The following C2CD4D variants were observed in gnomAD, a reference collection of about 807,000 sequenced individuals.
C2CD4D encodes C2 calcium-dependent domain-containing protein 4D.
Under a neutral mutation model 0.2 loss-of-function variants are expected in C2CD4D, and 1 was observed. The ratio of observed to expected loss-of-function variants is 4.00; its 90% CI spans 1.42 to 18.99. The LOEUF (loss-of-function observed/expected upper bound fraction) is 18.99. C2CD4D is among the 30% of genes most tolerant of loss of function. C2CD4D has a pLI of 0.11. For synonymous variants in C2CD4D, 269 were observed against 279.8 expected, an observed-to-expected ratio of 0.96 and a Z score of 0.39; for missense variants, 552 against 551.2, an observed-to-expected ratio of 1.00 and a Z score of -0.01.
At chr1:151,838,809 C>T (rs1652676975) in exon 2 of C2CD4D, 2 of 1,411,498 alleles carry the variant, frequency 1.4e-6, no homozygotes, top group South Asian at 3.1e-5. Context: ...ACTGCGCCGC[C>T]CGGGTCCGGG....
At position 151,838,263 on chromosome 1, in the gene C2CD4D, C is replaced by T. The variant is rs1261008882; in HGVS notation, c.727G>A (p.Gly243Ser). 4 of 1,326,760 alleles carry T rather than the reference C, an allele frequency of 3.0e-6. No homozygotes were observed. In the African/African-American group the frequency reaches 6.2e-5, roughly 21 times the overall value. 82.2% of individuals were successfully genotyped at this position (1,326,760 alleles called of 1,614,324 possible). Residue 243 changes from glycine to serine, a missense_variant, in exon 2 of 2, where the codon GGC becomes AGC. Physicochemically the swap from Gly to Ser is moderately conservative, Grantham distance 56. Coordinates refer to ENST00000454109, the Ensembl canonical transcript of C2CD4D. ...GGGCGGGACCGCGGCCGGGGCAGGC[C>T]CTCGGCGCTCACTAGGCGCAGCCGC...
At chr1:151,838,208 A>G (rs748099492) in exon 2 of C2CD4D, 1 of 1,521,444 alleles carries the variant, frequency 6.6e-7, no homozygotes, top group South Asian at 1.2e-5. Flanking sequence ...CAGCCTCAGC[A>G]CCACACAGCA....
exon 2 of C2CD4D, chr1:151,838,281 G>A (rs1269174397): frequency 8.3e-6 from 11 of 1,320,120 alleles, no homozygotes; most frequent in South Asian, 2.3e-5. Flanking sequence ...CTCACTAGGC[G>A]CAGCCGCAGC....
chr1:151,838,844 G>C lies in C2CD4D; in HGVS notation c.146C>G (p.Pro49Arg), dbSNP rs900793190. ...GAGCCGAGGCGGGATGAAGAACTGC[G>C]GGATGCGATCCGGGGTGAGGACGTT... The change falls in exon 2 of 2, where the codon CCG (proline) becomes CGG (arginine). Residue 49 changes from proline to arginine, a missense_variant. Physicochemically the swap from Pro to Arg is moderately radical, Grantham distance 103. Coordinates refer to ENST00000454109, the Ensembl canonical transcript of C2CD4D. 3.3e-6 allele frequency: 5 copies of C among 1,505,814 alleles called. No individual in the cohort carries two copies. Among genetic ancestry groups the C allele is most frequent in the Non-Finnish European group, 4.4e-6 (5 of 1,127,596 alleles). 93.3% of individuals were successfully genotyped at this position (1,505,814 alleles called of 1,614,324 possible). A position where few individuals can be genotyped will look rare whatever the true frequency, so the allele number is the denominator to read the frequency against.
chr1:151,839,232 T>A lies in C2CD4D; in HGVS notation c.-231-12A>T. On this transcript the variant is annotated splice_polypyrimidine_tract_variant and intron_variant, in intron 1 of 1. Coordinates refer to ENST00000454109, the Ensembl canonical transcript of C2CD4D. ...CGCAGTCTGGGGGGCTGGGGAGAAA[T>A]GGAGGGAGCAAAGGGCCAGTCAGTC... is the stretch of plus-strand genomic sequence containing the variant. 1.9e-6 allele frequency: 1 copy of A among 534,762 alleles called. No individual in the cohort carries two copies. Among genetic ancestry groups the A allele is most frequent in the Non-Finnish European group, 3.3e-6 (1 of 302,568 alleles). The allele number at this position is 534,762 out of a possible 1,614,324, so 33.1% of individuals were successfully genotyped here. A position where few individuals can be genotyped will look rare whatever the true frequency, so the allele number is the denominator to read the frequency against.
chr1:151,839,124 C>G, exon 2 of C2CD4D: 1 of 1,023,966 alleles, frequency 9.8e-7, no homozygotes, highest in Admixed American at 3.4e-5. Context: ...TGCTGGCGTA[C>G]ACCGGGCGGT....
chr1:151,838,044 G>T, exon 2 of C2CD4D: 2 of 1,551,496 alleles, frequency 1.3e-6, no homozygotes, highest in Non-Finnish European at 1.7e-6. Context: ...TCCCTGCGAA[G>T]TCCCGCGCCC....
chr1:151,838,620 G>C, exon 2 of C2CD4D: 2 of 1,315,000 alleles, frequency 1.5e-6, no homozygotes, highest in Non-Finnish European at 1.9e-6. Flanking sequence ...ACGTGCAGCC[G>C]GGACTGCGCC....
chr1:151,839,294 A>G (rs1481194469), intron 1 of C2CD4D, 74 bp from the exon 2 acceptor site: 2 of 442,870 alleles, frequency 4.5e-6, no homozygotes, highest in African/African-American at 2.1e-5. Flanking sequence ...CCAAGTACAC[A>G]GATTCTCCCA....
exon 2 of C2CD4D, chr1:151,838,484 A>G: frequency 7.2e-7 from 1 of 1,397,168 alleles, no homozygotes; most frequent in Non-Finnish European, 9.3e-7. Context: ...TTCTGGGGAC[A>G]GAGAGTGAGG....
exon 2 of C2CD4D, chr1:151,838,261 G>C: frequency 7.5e-7 from 1 of 1,325,992 alleles, no homozygotes; most frequent in South Asian, 2.4e-5. Flanking sequence ...GCCGGGGCAG[G>C]CCCTCGGCGC....
At chr1:151,839,044 C>T in exon 2 of C2CD4D, 2 of 1,535,196 alleles carry the variant, frequency 1.3e-6, no homozygotes, top group Non-Finnish European at 1.8e-6. Flanking sequence ...GGGTCCAAAT[C>T]CCGTCTCAGA....
chr1:151,839,245 G>A, intron 1 of C2CD4D, 25 bp from the exon 2 acceptor site: 1 of 520,174 alleles, frequency 1.9e-6, no homozygotes, highest in Non-Finnish European at 3.4e-6. Context: ...AGGGAGCAAA[G>A]GGCCAGTCAG....
chr1:151,838,066 C>G (rs756189849), exon 2 of C2CD4D: 1 of 1,551,522 alleles, frequency 6.4e-7, no homozygotes, highest in East Asian at 2.4e-5. Context: ...TGTCTAGCAC[C>G]TTGGCTCTCA....
At chr1:151,838,163 C>T (rs1305772402) in exon 2 of C2CD4D, 1 of 1,549,786 alleles carries the variant, frequency 6.5e-7, no homozygotes, top group Non-Finnish European at 8.7e-7. Context: ...CTTGACCACG[C>T]GGCTCTGCTG....
rs970053761 is a variant in C2CD4D, at chr1:151,838,483, CAG to C, written c.505_506del (p.Leu169ValfsTer187). The C allele has an allele frequency of 5.0e-5, 70 of 1,397,262 alleles. No individual in the cohort carries two copies. The highest frequency in any genetic ancestry group is 2.3e-4 in the African/African-American group (15 of 66,466). The allele number at this position is 1,397,262 out of a possible 1,614,324, so 86.6% of individuals were successfully genotyped here. A position where few individuals can be genotyped will look rare whatever the true frequency, so the allele number is the denominator to read the frequency against. ...CGGCCGAGCTCGCTTTTTCTGGGGA[CAG>C]AGAGTGAGGCCTGGACACCCGGCGC... is the stretch of plus-strand genomic sequence containing the variant. On this transcript the variant is annotated frameshift_variant, in exon 2 of 2. Coordinates refer to ENST00000454109, the Ensembl canonical transcript of C2CD4D. LOFTEE classifies it low-confidence loss of function (END_TRUNC).
exon 2 of C2CD4D, chr1:151,838,218 A>AGCC (rs755953128): frequency 5.8e-5 from 85 of 1,456,888 alleles, no homozygotes; most frequent in Non-Finnish European, 6.9e-5. Flanking sequence ...ACCACACAGC[A>AGCC]GCCGCCGCCG....
chr1:151,840,512 C>T (rs1039371777), exon 1 of C2CD4D: 1 of 152,254 alleles, frequency 6.6e-6, no homozygotes, highest in Non-Finnish European at 1.5e-5. Flanking sequence ...ATTCCAATAG[C>T]TCCAAGGCAG....
At position 151,838,824 on chromosome 1, in the gene C2CD4D, G is replaced by A. The variant is rs777238973; in HGVS notation, c.166C>T (p.Arg56Trp). 19 of 1,451,092 alleles carry A rather than the reference G, an allele frequency of 1.3e-5. No homozygotes were observed. The African/African-American group carries it at 2.7e-4, about 21-fold the overall frequency. 89.9% of individuals were successfully genotyped at this position (1,451,092 alleles called of 1,614,324 possible). Residue 56 changes from arginine (R) to tryptophan (W), a missense_variant, in exon 2 of 2, where the codon CGG (arginine) becomes TGG (tryptophan). By Grantham distance (101) the Arg-to-Trp change is moderately radical. Transcript: ENST00000454109. ...ACTGCGCCGCCCGGGTCCGGGAGCCGAGGCGGGATGAAGAACTGCGGGATG... is the reference window on the plus strand; with the variant it reads ...ACTGCGCCGCCCGGGTCCGGGAGCCAAGGCGGGATGAAGAACTGCGGGATG...
Sources: allele counts gnomAD v4.1 joint callset, GRCh38; gene constraint gnomAD v4.1.1; transcripts MANE v1.5; gene names NCBI Gene and HGNC (gene_info 2026-07-23, HGNC 2026-07-21).